The following RELN variants were observed in gnomAD, a reference collection of about 807,000 sequenced individuals.
The protein encoded by RELN is reelin.
A neutral mutation model predicts 427.6 loss-of-function variants in RELN; 108 were observed. The ratio of observed to expected loss-of-function variants is 0.25; its 90% CI spans 0.22 to 0.30. RELN has a LOEUF of 0.30. Ranked by LOEUF, RELN falls within the 10% of genes least tolerant of loss-of-function variation. The probability of loss-of-function intolerance (pLI) is 1.00; values close to 1 mark genes in which losing one functional copy is unlikely to be tolerated. For synonymous variants in RELN, 1,524 were observed against 1,513.4 expected (o/e 1.01, Z -0.16); for missense variants, 3,715 against 4,302.8 (o/e 0.86, Z 3.82).
Position 103,472,695 on chromosome 7 carries a change from C to T in RELN, c.*117G>A. 1.2e-6 allele frequency: 1 copy of T among 820,276 alleles called. No individual in the cohort carries two copies. Among genetic ancestry groups the T allele is most frequent in the Non-Finnish European group, 2.1e-6 (1 of 483,722 alleles). The allele number at this position is 820,276 out of a possible 1,614,324, so 50.8% of individuals were successfully genotyped here. On this transcript the variant is annotated 3_prime_UTR_variant, in exon 65 of 65. Coordinates refer to ENST00000428762, the MANE Select transcript of RELN (RefSeq NM_005045.4). Reference sequence around the variant, plus strand: ...TACACTCGGTCTTGAGAAGGGCTTTCAGGTAATCACCAAGTCCTTCACAGA... The same window carrying T: ...TACACTCGGTCTTGAGAAGGGCTTTTAGGTAATCACCAAGTCCTTCACAGA...
chr7:103,561,488 T>A (rs1830639849), intron 36 of RELN, 44 bp downstream of exon 36: 1 of 1,380,232 alleles, frequency 7.2e-7, no homozygotes, highest in South Asian at 1.2e-5. Flanking sequence ...AAGAAGACAA[T>A]GTTAGTAGTA....
intron 8 of RELN, among the ~76,000 whole-genome samples, chr7:103,706,400 C>CA (rs138551675): frequency 1.3e-5 from 2 of 151,024 alleles, no homozygotes; most frequent in Admixed American, 6.6e-5. Context: ...AGCACCCATC[C>CA]AAAAAAAAAT....
intron 46 of RELN, among the ~76,000 whole-genome samples, chr7:103,532,989 A>G (rs1456141974): frequency 6.6e-6 from 1 of 152,224 alleles, no homozygotes; most frequent in Non-Finnish European, 1.5e-5. Context: ...TAGGCCTAGC[A>G]CATAATTAAG....
intron 2 of RELN, among the ~76,000 whole-genome samples, chr7:103,902,369 C>G (rs1036817815): frequency 2.6e-5 from 4 of 152,016 alleles, no homozygotes; most frequent in African/African-American, 9.7e-5. Flanking sequence ...AGCAAAACAT[C>G]TTTCCAGAAT....
chr7:103,980,091 C>T (rs1256638090), intron 1 of RELN, among the ~76,000 whole-genome samples: 14 of 150,222 alleles, frequency 9.3e-5, no homozygotes, highest in African/African-American at 1.7e-4. Flanking sequence ...AATCAGGAGG[C>T]GGAGGTTTCG....
chr7:103,985,922 G>A (rs1480072541), intron 1 of RELN, among the ~76,000 whole-genome samples: 2 of 152,130 alleles, frequency 1.3e-5, no homozygotes, highest in Non-Finnish European at 2.9e-5. Context: ...AAACCATGTA[G>A]GTTCTTGTTT....
At chr7:103,630,851 G>GT (rs869145881) in intron 19 of RELN, among the ~76,000 whole-genome samples, 47 of 20,548 alleles carry the variant, frequency 2.3e-3, no homozygotes, top group South Asian at 3.9e-3. Flanking sequence ...TTATTTTTTT[G>GT]TTTTTTTTGT....
chr7:103,497,440 AT>A (rs1280491655), intron 55 of RELN, among the ~76,000 whole-genome samples: 1 of 152,148 alleles, frequency 6.6e-6, no homozygotes, highest in Admixed American at 6.5e-5. Context: ...ATTTCCATAG[AT>A]TATAGCATTT....
intron 1 of RELN, among the ~76,000 whole-genome samples, chr7:103,977,273 T>C (rs1796897240): frequency 7.5e-6 from 1 of 132,744 alleles, no homozygotes; most frequent in Non-Finnish European, 1.5e-5. Context: ...ATCACGCCAC[T>C]GCACTCCAGC....
intron 49 of RELN, among the ~76,000 whole-genome samples, chr7:103,516,254 T>G (rs1372317162): frequency 6.6e-6 from 1 of 151,552 alleles, no homozygotes; most frequent in African/African-American, 2.4e-5. Flanking sequence ...GAAGATAATG[T>G]CCTTAGATTT....
Position 103,640,518 on chromosome 7 carries a change from A to C in RELN, c.2069+25T>G, listed in dbSNP as rs362702. On this transcript the variant is annotated intron_variant, in intron 17 of 64. Coordinates refer to ENST00000428762, the MANE Select transcript of RELN (RefSeq NM_005045.4). The surrounding 1 kb of genome is among the most constrained non-coding windows in gnomAD (Gnocchi z 4.1). ...ACATTACACATCAAAAAGGAGAAGC[A>C]TAAGTGTTATTTTAAGATGCTTACT... 58 of 1,610,300 alleles carry C rather than the reference A, an allele frequency of 3.6e-5. No individual in the cohort carries two copies. Among genetic ancestry groups the C allele is most frequent in the Non-Finnish European group, 4.6e-5 (54 of 1,176,830 alleles).
chr7:103,686,634 G>A (rs79043158), intron 10 of RELN, among the ~76,000 whole-genome samples: 1,768 of 152,188 alleles, frequency 0.012, 10 homozygotes, highest in Middle Eastern at 0.024. Flanking sequence ...ATTGGTATAG[G>A]AATTTCTGTA....
chr7:103,984,699 A>G (rs1047108303), intron 1 of RELN, among the ~76,000 whole-genome samples: 37 of 152,314 alleles, frequency 2.4e-4, no homozygotes, highest in African/African-American at 8.9e-4. Flanking sequence ...TCATAGTCCT[A>G]TATAAGCAGG....
rs1584358918 is a variant in RELN at position 103,630,180 on chromosome 7, G to GA, written c.2466-5dup. The GA allele has an allele frequency of 1.3e-6, 2 of 1,565,604 alleles. No homozygotes were observed. The highest frequency in any genetic ancestry group is 1.7e-6 in the Non-Finnish European group (2 of 1,147,256). ...TGGTAGTTCTACGGAGATTATTCTA[G>GA]AGAAAAAAAAAAAGTCAAAATTTAG... On this transcript the variant is annotated splice_region_variant and splice_polypyrimidine_tract_variant and intron_variant, in intron 19 of 64. Transcript: ENST00000428762.
Position 103,483,822 on chromosome 7 carries a change from T to G in RELN, c.10012A>C (p.Ser3338Arg), listed in dbSNP as rs1223138674. The G allele has an allele frequency of 1.9e-6, 3 of 1,613,862 alleles. No homozygotes were observed. The African/African-American group carries it at 4.0e-5, about 22-fold the overall frequency. Residue 3338 changes from serine to arginine, a missense_variant, in exon 62 of 65, where the codon AGC becomes CGC. Physicochemically the swap from Ser to Arg is moderately radical, Grantham distance 110. This residue lies in a region of RELN where 195 missense variants were observed against 281.3 expected (regional missense o/e 0.69). Transcript: ENST00000428762. ...TTGCAGCTGTCCGTCTGCGACATGC[T>G]CCCAATTTGCAAAACAAACATGATT... ...SKIMFVLQIG[S>R]MSQTDSCNSD...
At chr7:103,823,655 TAAAATA>T (rs943798284) in intron 3 of RELN, among the ~76,000 whole-genome samples, 4 of 151,830 alleles carry the variant, frequency 2.6e-5, no homozygotes, top group African/African-American at 9.7e-5. Flanking sequence ...AATTCTATCC[TAAAATA>T]ATTATTGGTA....
chr7:103,568,274 C>T (rs778689368), intron 31 of RELN, among the ~76,000 whole-genome samples: 2 of 152,038 alleles, frequency 1.3e-5, no homozygotes, highest in Non-Finnish European at 2.9e-5. Flanking sequence ...TAATTAATTG[C>T]CATGGAATTA....
Position 103,772,336 on chromosome 7 carries a change from GAA to G in RELN, c.544+4219_544+4220del, listed in dbSNP as rs1446053455. Among the ~76,000 whole-genome samples, 1,147 of 152,274 alleles carry G rather than the reference GAA, an allele frequency of 7.5e-3. 11 individuals carry two copies. The highest frequency in any genetic ancestry group is 0.026 in the African/African-American group (1,061 of 41,550). ...CAAATGAATGAATGAATGAATGAAT[GAA>G]TGAATGAATGCACAAGTAAGTTGCT... On this transcript the variant is annotated intron_variant, in intron 4 of 64. Coordinates refer to ENST00000428762, the MANE Select transcript of RELN (RefSeq NM_005045.4).
chr7:103,511,710 T>A (rs757128806), intron 50 of RELN, among the ~76,000 whole-genome samples: 134 of 147,926 alleles, frequency 9.1e-4, no homozygotes, highest in Middle Eastern at 3.5e-3. Flanking sequence ...AAAAAAAAAA[T>A]TAGCTGGAGT....
Sources: allele counts gnomAD v4.1 joint callset (sites outside exome capture counted in the v4.1 genomes callset), GRCh38; gene constraint gnomAD v4.1.1; regional missense constraint gnomAD v4.1.1; non-coding constraint Gnocchi (gnomAD v3.1); transcripts MANE v1.5; gene names NCBI Gene and HGNC (gene_info 2026-07-23, HGNC 2026-07-21).